The following CTNNA2 variants were observed in gnomAD, a reference collection of about 807,000 sequenced individuals.
CTNNA2 encodes the protein catenin alpha-2.
A neutral mutation model predicts 101.0 loss-of-function variants in CTNNA2; 42 were observed. The observed-to-expected ratio is 0.42, with a 90% CI of 0.32 to 0.54. The LOEUF (loss-of-function observed/expected upper bound fraction) is 0.54. Ranked by LOEUF, CTNNA2 falls within the 20% of genes least tolerant of loss-of-function variation. The pLI, the probability that CTNNA2 is intolerant of heterozygous loss-of-function variation, is 0.14. For synonymous variants in CTNNA2, 450 were observed against 456.4 expected (o/e 0.99, Z 0.18); for missense variants, 871 against 1,223.1 (o/e 0.71, Z 4.29).
chr2:80,577,428 C>G (rs1400422697), intron 13 of CTNNA2, among the ~76,000 whole-genome samples: 1 of 152,080 alleles, frequency 6.6e-6, no homozygotes, highest in Admixed American at 6.6e-5. Context: ...GAGGAAATGT[C>G]AAGTGCAAAG....
chr2:79,985,452 G>A (rs1275102104), intron 7 of CTNNA2, among the ~76,000 whole-genome samples: 1 of 152,098 alleles, frequency 6.6e-6, no homozygotes, highest in Non-Finnish European at 1.5e-5. Context: ...GAGAGTGGCA[G>A]CCTCTGAGTG....
intron 2 of CTNNA2, among the ~76,000 whole-genome samples, chr2:79,703,594 AGTTAGGTACATCTGTCAATCCTGCT>A (rs1685153139): frequency 6.6e-6 from 1 of 152,186 alleles, no homozygotes; most frequent in Non-Finnish European, 1.5e-5. Flanking sequence ...ACTGCCTTCC[AGTTAGGTACATCTGTCAATCCTGCT>A]GTGTTAATTT....
At chr2:80,582,112 G>T (rs550680199) in intron 14 of CTNNA2, among the ~76,000 whole-genome samples, 2 of 152,202 alleles carry the variant, frequency 1.3e-5, no homozygotes, top group Admixed American at 6.5e-5. Context: ...ACTAGAATTA[G>T]ATGATAGACT....
chr2:80,452,657 G>A (rs1005046389), intron 9 of CTNNA2, among the ~76,000 whole-genome samples: 5 of 151,608 alleles, frequency 3.3e-5, no homozygotes. Context: ...GATGCTGGTG[G>A]CATTGGGGGC....
chr2:79,644,539 A>G (rs1005955951), intron 1 of CTNNA2, among the ~76,000 whole-genome samples: 4 of 152,194 alleles, frequency 2.6e-5, no homozygotes, highest in Non-Finnish European at 5.9e-5. Context: ...ACTTTGCATT[A>G]CATCTCACAG....
At chr2:79,918,389 T>C (rs910071690) in intron 7 of CTNNA2, among the ~76,000 whole-genome samples, 10 of 152,128 alleles carry the variant, frequency 6.6e-5, no homozygotes, top group Non-Finnish European at 1.5e-4. Context: ...ACAAAGAACA[T>C]TGATTCAAAG....
intron 1 of CTNNA2, among the ~76,000 whole-genome samples, chr2:79,637,510 T>G (rs535993862): frequency 6.6e-6 from 1 of 152,334 alleles, no homozygotes; most frequent in East Asian, 1.9e-4. Flanking sequence ...TTTTGAACTT[T>G]CAGGAAACAA....
chr2:79,798,560 CTTTTTT>C lies in CTNNA2; in HGVS notation c.298+53995_298+54000del, dbSNP rs34542700. ...AAGCCAACTAATTTATATAATAAGACTTTTTTTTTTTTTTTTTTTTTTACAAAAATA... is the reference window on the plus strand; with the variant it reads ...AAGCCAACTAATTTATATAATAAGACTTTTTTTTTTTTTTTTACAAAAATA... On this transcript the variant is annotated intron_variant, in intron 3 of 18. Coordinates refer to ENST00000402739, the MANE Select transcript of CTNNA2 (RefSeq NM_001282597.3). Among the ~76,000 whole-genome samples, 538 of 123,796 alleles carry C rather than the reference CTTTTTT, an allele frequency of 4.3e-3. 3 individuals carry two copies. The highest frequency in any genetic ancestry group is 0.018 in the Middle Eastern group (4 of 220). 81.2% of individuals were successfully genotyped at this position (123,796 alleles called of 152,430 possible). A position where few individuals can be genotyped will look rare whatever the true frequency, so the allele number is the denominator to read the frequency against.
intron 7 of CTNNA2, among the ~76,000 whole-genome samples, chr2:80,060,440 A>T (rs1697505204): frequency 1.3e-5 from 2 of 152,234 alleles, no homozygotes; most frequent in Admixed American, 6.5e-5. Context: ...GAAGCAGCTG[A>T]TCTCATTACC....
At chr2:80,333,823 A>T (rs150809617) in intron 7 of CTNNA2, among the ~76,000 whole-genome samples, 4 of 152,300 alleles carry the variant, frequency 2.6e-5, no homozygotes, top group Non-Finnish European at 5.9e-5. Flanking sequence ...GGGTTTCGCC[A>T]TGTTGGCCAG....
chr2:79,800,645 C>T (rs955955968), intron 3 of CTNNA2, among the ~76,000 whole-genome samples: 4 of 151,974 alleles, frequency 2.6e-5, no homozygotes, highest in Admixed American at 6.6e-5. Flanking sequence ...AGGAGGATGG[C>T]GAAAGAGAGG....
At chr2:79,857,947 A>T (rs899607553) in intron 3 of CTNNA2, 66 bp from the exon 4 acceptor site, 8 of 1,502,264 alleles carry the variant, frequency 5.3e-6, no homozygotes, top group Non-Finnish European at 7.3e-6. Context: ...CCATTCACAG[A>T]TCTTTAGGAT....
intron 7 of CTNNA2, among the ~76,000 whole-genome samples, chr2:80,086,991 C>T (rs1277312319): frequency 6.6e-6 from 1 of 152,004 alleles, no homozygotes; most frequent in African/African-American, 2.4e-5. Flanking sequence ...ACTAACAGAG[C>T]AGCTATTACA....
chr2:80,005,289 G>A (rs1170693920), intron 7 of CTNNA2, among the ~76,000 whole-genome samples: 1 of 152,138 alleles, frequency 6.6e-6, no homozygotes, highest in Non-Finnish European at 1.5e-5. Context: ...TGATCTAGAA[G>A]GGGATTCACA....
intron 2 of CTNNA2, among the ~76,000 whole-genome samples, chr2:79,202,205 T>G (rs150008776): frequency 6.6e-6 from 1 of 152,318 alleles, no homozygotes; most frequent in East Asian, 1.9e-4. Flanking sequence ...GGAAGCAGGT[T>G]TACCTTAAAC....
At chr2:79,652,403 C>G (rs1681323873) in intron 2 of CTNNA2, among the ~76,000 whole-genome samples, 1 of 152,114 alleles carries the variant, frequency 6.6e-6, no homozygotes, top group African/African-American at 2.4e-5. Context: ...CTTCTGGAAG[C>G]TCTAGAAGAA....
intron 7 of CTNNA2, among the ~76,000 whole-genome samples, chr2:80,131,274 G>T (rs970451828): frequency 2.0e-5 from 3 of 152,052 alleles, no homozygotes; most frequent in Non-Finnish European, 4.4e-5. Context: ...AGCCAGGCTG[G>T]TCTCGAACTC....
At chr2:80,086,232 A>G (rs1195398664) in intron 7 of CTNNA2, among the ~76,000 whole-genome samples, 8 of 152,098 alleles carry the variant, frequency 5.3e-5, no homozygotes, top group Admixed American at 2.0e-4. Context: ...AACAAGGACA[A>G]GTATTTCCTA....
intron 6 of CTNNA2, among the ~76,000 whole-genome samples, chr2:79,888,642 T>C (rs1021245011): frequency 6.6e-6 from 1 of 152,166 alleles, no homozygotes; most frequent in African/African-American, 2.4e-5. Flanking sequence ...TGGCCCCCTA[T>C]CAGGTTTAAT....
Sources: allele counts gnomAD v4.1 joint callset (sites outside exome capture counted in the v4.1 genomes callset), GRCh38; gene constraint gnomAD v4.1.1; transcripts MANE v1.5; gene names NCBI Gene and HGNC (gene_info 2026-07-23, HGNC 2026-07-21).